MYOM1: variants seen among roughly 807,000 people sequenced by gnomAD.
MYOM1 encodes the protein myomesin-1.
A neutral mutation model predicts 205.3 loss-of-function variants in MYOM1; 164 were observed. That is an observed-to-expected ratio of 0.80 (90% CI 0.70 to 0.91). The LOEUF (loss-of-function observed/expected upper bound fraction) is 0.91. Among genes scored for constraint, MYOM1 ranks in the 40% least tolerant of loss-of-function variants. The pLI is 0.00. For synonymous variants in MYOM1, 772 were observed against 789.4 expected (o/e 0.98, Z 0.37); for missense variants, 2,011 against 2,127.3 (o/e 0.95, Z 1.08).
intron 20 of MYOM1, among the ~76,000 whole-genome samples, chr18:3,119,392 G>A (rs935996681): frequency 6.6e-5 from 10 of 152,176 alleles, no homozygotes; most frequent in Admixed American, 6.6e-4. Context: ...AAGCCACATA[G>A]CTTGGGTATG....
intron 13 of MYOM1, among the ~76,000 whole-genome samples, chr18:3,148,839 C>T (rs1395415762): frequency 9.8e-6 from 1 of 102,216 alleles, no homozygotes; most frequent in Non-Finnish European, 1.8e-5. Flanking sequence ...GAGCGAGACT[C>T]CATCCAAAAA....
chr18:3,178,496 G>A (rs573716724), intron 5 of MYOM1, among the ~76,000 whole-genome samples: 80 of 152,178 alleles, frequency 5.3e-4, no homozygotes, highest in Non-Finnish European at 8.7e-4. Context: ...TGGGAGTAGG[G>A]AACATGATGG....
At chr18:3,080,916 G>A (rs560969365) in intron 33 of MYOM1, among the ~76,000 whole-genome samples, 3 of 152,014 alleles carry the variant, frequency 2.0e-5, no homozygotes, top group East Asian at 1.9e-4. Flanking sequence ...GGTGGATCAC[G>A]AAGTCAGGAG....
At chr18:3,122,492 A>T (rs2079710081) in intron 19 of MYOM1, among the ~76,000 whole-genome samples, 1 of 152,226 alleles carries the variant, frequency 6.6e-6, no homozygotes, top group African/African-American at 2.4e-5. Context: ...ATTTTAAATG[A>T]GTGAACTTTA....
Position 3,151,858 on chromosome 18 carries a change from T to C in MYOM1, c.1679A>G (p.Asn560Ser), listed in dbSNP as rs746723356. Residue 560 changes from asparagine to serine, a missense_variant, in exon 12 of 38, where the codon AAT becomes AGT. By Grantham distance (46) the Asn-to-Ser change is conservative (BLOSUM62 1). Transcript: ENST00000356443. ...EVGTDSWSQCNDTPVKFARFP... is the reference protein window; with the variant it reads ...EVGTDSWSQCSDTPVKFARFP... ...ACGAGCAAACTTCACAGGTGTGTCA[T>C]TGCACTGCGACCAGCTATCTGTGCC... 2.4e-5 allele frequency: 38 copies of C among 1,613,218 alleles called. No homozygotes were observed. Among genetic ancestry groups the C allele is most frequent in the Admixed American group, 3.3e-5 (2 of 59,970 alleles).
chr18:3,151,455 TA>T (rs2080220096), intron 12 of MYOM1, among the ~76,000 whole-genome samples: 1 of 139,242 alleles, frequency 7.2e-6, no homozygotes, highest in Non-Finnish European at 1.6e-5. Flanking sequence ...AAATATAAAA[TA>T]ATAAAATAAA....
At chr18:3,206,498 G>C (rs939451527) in intron 2 of MYOM1, among the ~76,000 whole-genome samples, 21 of 152,066 alleles carry the variant, frequency 1.4e-4, no homozygotes, top group Admixed American at 2.6e-4. Context: ...AGAGTCGCTG[G>C]GAATTTGCAT....
At chr18:3,206,293 A>ATT (rs1222502195) in intron 2 of MYOM1, among the ~76,000 whole-genome samples, 2 of 152,208 alleles carry the variant, frequency 1.3e-5, no homozygotes, top group African/African-American at 4.8e-5. Context: ...TCATCTTTAC[A>ATT]TATATTTACA....
chr18:3,088,976 C>A (rs561721866), intron 29 of MYOM1, among the ~76,000 whole-genome samples, 198 bp downstream of exon 29: 4 of 152,270 alleles, frequency 2.6e-5, no homozygotes, highest in Admixed American at 2.6e-4. Flanking sequence ...GGAATGATCA[C>A]CTTGCCTTGT....
Position 3,079,287 on chromosome 18 carries a change from T to A in MYOM1, c.4540A>T (p.Ile1514Phe). The change falls in exon 34 of 38, where the codon ATC becomes TTC. Residue 1514 changes from isoleucine (I) to phenylalanine (F), a missense_variant. Transcript: ENST00000356443. Reference sequence around the variant, plus strand: ...GTGGGCTCGTTGATTTGTAGCCAGATCTGCTCTCCAGTGACCCCGGTCTTA... The same window carrying A: ...GTGGGCTCGTTGATTTGTAGCCAGAACTGCTCTCCAGTGACCCCGGTCTTA... ...RVKTGVTGEQ[I>F]WLQINEPTPN... 1.2e-6 allele frequency: 2 copies of A among 1,613,970 alleles called. No individual in the cohort carries two copies. The highest frequency in any genetic ancestry group is 1.7e-6 in the Non-Finnish European group (2 of 1,179,874).
intron 9 of MYOM1, 46 bp from the exon 10 acceptor site, chr18:3,164,485 T>C: frequency 6.6e-7 from 1 of 1,517,406 alleles, no homozygotes. Flanking sequence ...TTTTGTTTTA[T>C]AACTTCCTTC....
In MYOM1 at chr18:3,211,397, G is replaced by A. The variant is rs149249018; in HGVS notation, c.290+3537C>T. 7.6e-4 allele frequency among the ~76,000 whole-genome samples: 116 copies of A among 152,242 alleles called. 3 individuals are homozygous for A. In the East Asian group the frequency reaches 0.021, roughly 28 times the overall value. ...GAGTCACGGAGCTCCTTGAAAATCC[G>A]ATGAAAACTACAGTCCCTCTCTCCA... On this transcript the variant is annotated intron_variant, in intron 2 of 37. Transcript: ENST00000356443.
At chr18:3,118,437 G>A (rs972519420) in intron 20 of MYOM1, among the ~76,000 whole-genome samples, 3 of 152,010 alleles carry the variant, frequency 2.0e-5, no homozygotes, top group African/African-American at 4.8e-5. Flanking sequence ...CCTTGACCTC[G>A]TGAGCTCAAG....
intron 19 of MYOM1, among the ~76,000 whole-genome samples, chr18:3,126,208 T>C (rs1598699278): frequency 7.0e-6 from 1 of 143,188 alleles, no homozygotes; most frequent in Non-Finnish European, 1.5e-5. Flanking sequence ...GAGTTTGCAG[T>C]GAGTTGAGAT....
intron 5 of MYOM1, 32 bp from the exon 6 acceptor site, chr18:3,176,166 T>C (rs371070160): frequency 5.6e-5 from 75 of 1,350,364 alleles, no homozygotes; most frequent in Middle Eastern, 3.7e-4. Context: ...ATGAAGTAAG[T>C]TGAAGTGTAA....
intron 13 of MYOM1, among the ~76,000 whole-genome samples, chr18:3,148,332 A>G (rs1452516673): frequency 6.6e-6 from 1 of 152,236 alleles, no homozygotes; most frequent in Non-Finnish European, 1.5e-5. Context: ...TTTGGAACGA[A>G]TTGATACACA....
intron 36 of MYOM1, among the ~76,000 whole-genome samples, chr18:3,075,230 G>C (rs1007710347): frequency 6.6e-6 from 1 of 152,184 alleles, no homozygotes; most frequent in African/African-American, 2.4e-5. Flanking sequence ...TGTAGCTCAA[G>C]TCAAGGGTAG....
At chr18:3,092,486 ACTG>A (rs2079238806) in intron 26 of MYOM1, among the ~76,000 whole-genome samples, 1 of 152,162 alleles carries the variant, frequency 6.6e-6, no homozygotes, top group South Asian at 2.1e-4. Flanking sequence ...AGCCACCATG[ACTG>A]GCCCTATTTG....
intron 26 of MYOM1, among the ~76,000 whole-genome samples, chr18:3,091,031 A>ATAGGC (rs2079218927): frequency 6.6e-6 from 1 of 151,992 alleles, no homozygotes; most frequent in African/African-American, 2.4e-5. Context: ...AAATAGAAAA[A>ATAGGC]TAGGCTAGGC....
Sources: gnomAD v4.1 joint callset for allele counts (sites outside exome capture counted in the v4.1 genomes callset) on GRCh38, gnomAD v4.1.1 for gene constraint, MANE v1.5 for transcripts, NCBI Gene and HGNC (gene_info 2026-07-23, HGNC 2026-07-21) for gene names.